Variants in DLGAP2 observed in about 807,000 individuals in gnomAD.
DLGAP2 encodes DLG associated protein 2.
In DLGAP2, 26 loss-of-function variants were observed where a neutral mutation model predicts 100.3. That is an observed-to-expected ratio of 0.26 (90% CI 0.19 to 0.36). DLGAP2 has a LOEUF of 0.36. Among genes scored for constraint, DLGAP2 ranks in the 10% least tolerant of loss-of-function variants. DLGAP2 has a pLI of 1.00. For synonymous variants in DLGAP2, 886 were observed against 630.1 expected, an observed-to-expected ratio of 1.41 and a Z score of -6.08; for missense variants, 1,858 against 1,453.2, an observed-to-expected ratio of 1.28 and a Z score of -4.53.
At chr8:1,587,835 AT>A (rs1796171281) in intron 6 of DLGAP2, among the ~76,000 whole-genome samples, 5 of 152,186 alleles carry the variant, frequency 3.3e-5, no homozygotes, top group South Asian at 4.2e-4. Context: ...AAATACCATG[AT>A]TTTTTTCCAT....
chr8:1,360,705 A>G (rs1025694540), intron 3 of DLGAP2, among the ~76,000 whole-genome samples: 4 of 152,168 alleles, frequency 2.6e-5, no homozygotes, highest in East Asian at 1.9e-4. Context: ...CGCCCCCACC[A>G]TGGAGATCGG....
intron 2 of DLGAP2, among the ~76,000 whole-genome samples, chr8:1,004,805 A>G (rs1438009825): frequency 1.3e-5 from 2 of 152,214 alleles, no homozygotes; most frequent in Admixed American, 1.3e-4. Flanking sequence ...CCCGTGGCCC[A>G]GTATTGCAGC....
chr8:741,356 A>G (rs1481901073), intron 1 of DLGAP2, among the ~76,000 whole-genome samples: 2 of 152,194 alleles, frequency 1.3e-5, no homozygotes, highest in Non-Finnish European at 2.9e-5. Flanking sequence ...GTAGGAGCTC[A>G]TTTGTAAAGC....
At chr8:1,029,766 G>T (rs909997545) in intron 2 of DLGAP2, among the ~76,000 whole-genome samples, 3 of 152,196 alleles carry the variant, frequency 2.0e-5, no homozygotes, top group Non-Finnish European at 4.4e-5. Context: ...AAAGGGGGAT[G>T]GAGAGAAGGC....
At chr8:1,547,618 C>T (rs1801585845) in intron 4 of DLGAP2, among the ~76,000 whole-genome samples, 1 of 152,162 alleles carries the variant, frequency 6.6e-6, no homozygotes, top group Admixed American at 6.5e-5. Context: ...GTCACCCCAG[C>T]GCCCAGCCGC....
At chr8:1,567,744 C>T (rs187628971) in intron 6 of DLGAP2, among the ~76,000 whole-genome samples, 7 of 152,208 alleles carry the variant, frequency 4.6e-5, no homozygotes, top group African/African-American at 1.7e-4. Flanking sequence ...AAACTCACAC[C>T]ATCACCCAAT....
At chr8:1,493,513 C>G (rs1385626357) in intron 3 of DLGAP2, among the ~76,000 whole-genome samples, 3 of 152,220 alleles carry the variant, frequency 2.0e-5, no homozygotes, top group Admixed American at 2.0e-4. Flanking sequence ...GAGGGACGGA[C>G]CCCAGGGAAG....
intron 1 of DLGAP2, among the ~76,000 whole-genome samples, chr8:765,086 G>T (rs1266453045): frequency 6.6e-6 from 1 of 152,134 alleles, no homozygotes; most frequent in Non-Finnish European, 1.5e-5. Flanking sequence ...TTGCAGAAAG[G>T]GACTTGAGGA....
rs540657432 is a variant in DLGAP2 at position 1,110,093 on chromosome 8, C to T, written c.74-148758C>T. On this transcript the variant is annotated intron_variant, in intron 2 of 14. Transcript: ENST00000637795. ...ACAGGTCTGTGAGGTGTGCACGGGTCTGTGAGGTGTGCATGGGTCTGTGAG... is the reference window on the plus strand; with the variant it reads ...ACAGGTCTGTGAGGTGTGCACGGGTTTGTGAGGTGTGCATGGGTCTGTGAG... Among the ~76,000 whole-genome samples the T allele has an allele frequency of 4.3e-3, 586 of 135,542 alleles. 3 individuals are homozygous for T. The highest frequency in any genetic ancestry group is 6.4e-3 in the Non-Finnish European group (412 of 64,520). 88.9% of individuals were successfully genotyped at this position (135,542 alleles called of 152,430 possible). A position where few individuals can be genotyped will look rare whatever the true frequency, so the allele number is the denominator to read the frequency against.
chr8:1,692,376 G>A (rs953837236), intron 13 of DLGAP2, among the ~76,000 whole-genome samples: 2 of 44,208 alleles, frequency 4.5e-5, no homozygotes, highest in Admixed American at 2.5e-4. Context: ...CAGGGAGGCG[G>A]ATACGGCCCT....
At chr8:1,143,707 C>A (rs923150185) in intron 2 of DLGAP2, among the ~76,000 whole-genome samples, 1 of 152,220 alleles carries the variant, frequency 6.6e-6, no homozygotes, top group Non-Finnish European at 1.5e-5. Flanking sequence ...CGCTGGCCAC[C>A]CTAAGTCACT....
At chr8:1,243,542 A>G (rs942654901) in intron 2 of DLGAP2, among the ~76,000 whole-genome samples, 3 of 151,686 alleles carry the variant, frequency 2.0e-5, no homozygotes, top group Non-Finnish European at 4.4e-5. Flanking sequence ...GTTTCCTCTT[A>G]TTTTTTCTTC....
At chr8:920,714 G>C (rs1460747093) in intron 2 of DLGAP2, among the ~76,000 whole-genome samples, 1 of 152,172 alleles carries the variant, frequency 6.6e-6, no homozygotes, top group East Asian at 1.9e-4. Flanking sequence ...TCGTGCTTGG[G>C]CAATCTGCCC....
intron 3 of DLGAP2, among the ~76,000 whole-genome samples, chr8:1,454,899 A>T (rs1228298696): frequency 6.6e-6 from 1 of 152,122 alleles, no homozygotes; most frequent in Non-Finnish European, 1.5e-5. Flanking sequence ...TGCAGACAGG[A>T]TGACCTGATG....
chr8:1,503,609 C>T (rs1048455183), intron 4 of DLGAP2, among the ~76,000 whole-genome samples: 1 of 151,994 alleles, frequency 6.6e-6, no homozygotes, highest in Non-Finnish European at 1.5e-5. Context: ...TCACTGTTTT[C>T]GGTTCATTTG....
intron 6 of DLGAP2, among the ~76,000 whole-genome samples, chr8:1,604,186 T>G (rs1389660242): frequency 6.6e-6 from 1 of 152,232 alleles, no homozygotes; most frequent in Non-Finnish European, 1.5e-5. Context: ...ATCATTTTCC[T>G]GGAAACATTG....
chr8:1,318,778 G>GCCTCCC (rs1800825964), intron 3 of DLGAP2, among the ~76,000 whole-genome samples: 1 of 105,574 alleles, frequency 9.5e-6, no homozygotes, highest in African/African-American at 4.3e-5. Flanking sequence ...TCAGTGATCA[G>GCCTCCC]CCCCCCCCCC....
intron 3 of DLGAP2, among the ~76,000 whole-genome samples, chr8:1,430,111 C>G (rs1478607206): frequency 6.8e-6 from 1 of 146,450 alleles, no homozygotes; most frequent in African/African-American, 2.5e-5. Context: ...ACTGCCGCAG[C>G]ATTTTGCCTT....
chr8:855,308 T>A (rs534912289), intron 1 of DLGAP2, among the ~76,000 whole-genome samples: 30 of 150,684 alleles, frequency 2.0e-4, no homozygotes, highest in Non-Finnish European at 3.8e-4. Context: ...TGTTTTCTAT[T>A]AATTCATGTG....
Sources: gnomAD v4.1 joint callset for allele counts (sites outside exome capture counted in the v4.1 genomes callset) on GRCh38, gnomAD v4.1.1 for gene constraint, MANE v1.5 for transcripts, NCBI Gene and HGNC (gene_info 2026-07-23, HGNC 2026-07-21) for gene names.